The following CACNA1A variants were observed in gnomAD, a reference collection of about 807,000 sequenced individuals.
CACNA1A encodes the protein calcium voltage-gated channel subunit alpha1 A.
A neutral mutation model predicts 262.4 loss-of-function variants in CACNA1A; 57 were observed. That is an observed-to-expected ratio of 0.22 (90% confidence interval 0.18 to 0.27). The LOEUF is 0.27. Ranked by LOEUF, CACNA1A falls within the 10% of genes least tolerant of loss-of-function variation. CACNA1A has a pLI of 1.00. For missense variants in CACNA1A, 2,526 were observed against 3,562.8 expected, an observed-to-expected ratio of 0.71 and a Z score of 7.41; for synonymous variants, 1,431 against 1,419.3, an observed-to-expected ratio of 1.01 and a Z score of -0.18.
At chr19:13,244,052 C>G (rs574322365) in intron 31 of CACNA1A, 1 of 152,406 alleles carries the variant, frequency 6.6e-6, no homozygotes, top group South Asian at 2.1e-4. Context: ...TGTTTCTCCC[C>G]TATTGCTCTC....
At chr19:13,235,934 T>C in intron 31 of CACNA1A, 1 of 508,762 alleles carries the variant, frequency 2.0e-6, no homozygotes, top group Non-Finnish European at 3.5e-6. Flanking sequence ...AGAGAGAGGG[T>C]GGGAGGGAGG....
intron 1 of CACNA1A, among the ~76,000 whole-genome samples, chr19:13,458,076 C>T (rs1413047867): frequency 6.6e-6 from 1 of 152,128 alleles, no homozygotes; most frequent in Non-Finnish European, 1.5e-5. Context: ...TGTTTTAGAA[C>T]TAGATGAAGG....
At chr19:13,223,952 G>A (rs539977130) in intron 38 of CACNA1A, among the ~76,000 whole-genome samples, 7 of 152,194 alleles carry the variant, frequency 4.6e-5, no homozygotes, top group African/African-American at 1.4e-4. Flanking sequence ...GACTGCTTGA[G>A]CCCAGGAGTT....
In CACNA1A at chr19:13,488,390, C is replaced by CTTTTTTTT. The variant is rs34348281; in HGVS notation, c.293+17534_293+17541dup. Among the ~76,000 whole-genome samples the CTTTTTTTT allele has an allele frequency of 2.2e-4, 17 of 77,634 alleles. 1 individual carries two copies. In the East Asian group the frequency reaches 2.5e-3, roughly 11 times the overall value. The allele number at this position is 77,634 out of a possible 152,430, so 50.9% of individuals were successfully genotyped here. On this transcript the variant is annotated intron_variant, in intron 1 of 46. Coordinates refer to ENST00000360228, the MANE Select transcript of CACNA1A (RefSeq NM_001127222.2). ...GCATCAGCATTTTCCTTTTTCTTTT[C>CTTTTTTTT]TTTTTTTTTTTTTTTTTTTTTTTTT...
At chr19:13,379,060 A>T (rs1157030227) in intron 3 of CACNA1A, among the ~76,000 whole-genome samples, 2 of 150,258 alleles carry the variant, frequency 1.3e-5, no homozygotes, top group African/African-American at 4.9e-5. Flanking sequence ...AGCTCACTGC[A>T]GTCTCAATCT....
At chr19:13,400,782 A>G (rs1186922118) in intron 3 of CACNA1A, among the ~76,000 whole-genome samples, 1 of 152,128 alleles carries the variant, frequency 6.6e-6, no homozygotes, top group Non-Finnish European at 1.5e-5. Flanking sequence ...GCAGCCCCCA[A>G]AGTCATCAGT....
At chr19:13,419,080 A>T (rs1490620766) in intron 3 of CACNA1A, among the ~76,000 whole-genome samples, 1 of 152,132 alleles carries the variant, frequency 6.6e-6, no homozygotes, top group Non-Finnish European at 1.5e-5. Flanking sequence ...TTTTCAGTAA[A>T]GAAGGAGTTT....
Position 13,233,530 on chromosome 19 carries a change from G to A in CACNA1A, c.5249+1391C>T, listed in dbSNP as rs142338398. Among the ~76,000 whole-genome samples the A allele has an allele frequency of 2.4e-3, 361 of 152,114 alleles. 1 individual carries two copies. The highest frequency in any genetic ancestry group is 8.2e-3 in the African/African-American group (340 of 41,510). ...AGAGACAGAGTCTCGCTCTGTTGCC[G>A]AGGCTGGAGTGCAGTGGCACAATCA... On this transcript the variant is annotated intron_variant, in intron 34 of 46. Transcript: ENST00000360228.
chr19:13,382,608 T>C (rs949285504), intron 3 of CACNA1A, among the ~76,000 whole-genome samples: 4 of 152,082 alleles, frequency 2.6e-5, no homozygotes, highest in African/African-American at 4.8e-5. Flanking sequence ...GTGAGAGTCA[T>C]GTAAGGTTTT....
intron 38 of CACNA1A, among the ~76,000 whole-genome samples, chr19:13,220,742 C>CAAGTAGTTGG: frequency 6.6e-6 from 1 of 152,258 alleles, no homozygotes; most frequent in African/African-American, 2.4e-5. Context: ...CCTCCCACTC[C>CAAGTAGTTGG]AGCCTCCCAA....
At chr19:13,405,623 T>C (rs2059990317) in intron 3 of CACNA1A, among the ~76,000 whole-genome samples, 1 of 152,158 alleles carries the variant, frequency 6.6e-6, no homozygotes, top group Non-Finnish European at 1.5e-5. Flanking sequence ...AAATCCTCCA[T>C]AACTGTATGA....
intron 22 of CACNA1A, among the ~76,000 whole-genome samples, chr19:13,281,835 C>T (rs976748993): frequency 2.0e-5 from 3 of 152,230 alleles, no homozygotes; most frequent in African/African-American, 4.8e-5. Context: ...GGGAGCTGAA[C>T]GCTCTTTGCA....
intron 3 of CACNA1A, among the ~76,000 whole-genome samples, chr19:13,415,261 A>G (rs547200482): frequency 1.3e-5 from 2 of 151,936 alleles, no homozygotes; most frequent in Admixed American, 1.3e-4. Flanking sequence ...TGGTGCCGAC[A>G]AGGAAACGTG....
chr19:13,408,764 A>G (rs2060057253), intron 3 of CACNA1A, among the ~76,000 whole-genome samples: 1 of 152,194 alleles, frequency 6.6e-6, no homozygotes, highest in Non-Finnish European at 1.5e-5. Flanking sequence ...GGGAGACAGT[A>G]GTTGGTCAAA....
At chr19:13,393,894 C>A (rs1039203943) in intron 3 of CACNA1A, among the ~76,000 whole-genome samples, 5 of 150,956 alleles carry the variant, frequency 3.3e-5, no homozygotes, top group African/African-American at 1.2e-4. Flanking sequence ...CTGCTCACTG[C>A]AACCTCTGCC....
At chr19:13,471,609 T>A (rs2061348133) in intron 1 of CACNA1A, among the ~76,000 whole-genome samples, 1 of 152,176 alleles carries the variant, frequency 6.6e-6, no homozygotes, top group South Asian at 2.1e-4. Context: ...TCCAAAGTGG[T>A]CTATCCATTT....
intron 37 of CACNA1A, chr19:13,226,095 T>A (rs1380531535): frequency 6.6e-6 from 1 of 152,156 alleles, no homozygotes; most frequent in Admixed American, 6.6e-5. Context: ...AGGCATGTTC[T>A]GTGGAAAGGG....
intron 29 of CACNA1A, 108 bp downstream of exon 29, chr19:13,254,987 C>G (rs1015785900): frequency 8.7e-7 from 1 of 1,155,380 alleles, no homozygotes; most frequent in African/African-American, 1.5e-5. Flanking sequence ...CAGAGGTGAT[C>G]CAGAGTGTGG....
intron 1 of CACNA1A, among the ~76,000 whole-genome samples, chr19:13,497,516 AAAAAAATATATATATATATATATATAT>A (rs1568709543): frequency 7.5e-4 from 23 of 30,522 alleles, no homozygotes; most frequent in African/African-American, 1.4e-3. Flanking sequence ...AAAAAAAAAA[AAAAAAATATATATATATATATATATAT>A]ATATATATAT....
Sources: allele counts gnomAD v4.1 joint callset (sites outside exome capture counted in the v4.1 genomes callset), GRCh38; gene constraint gnomAD v4.1.1; transcripts MANE v1.5; gene names NCBI Gene and HGNC (gene_info 2026-07-23, HGNC 2026-07-21).